The following GALNT10 variants were observed in gnomAD, a reference collection of about 807,000 sequenced individuals.
GALNT10 encodes the protein polypeptide N-acetylgalactosaminyltransferase 10, also known as GalNAc transferase 10.
GALNT10 carries 41 observed loss-of-function variants against 75.0 expected under a neutral mutation model. The ratio of observed to expected loss-of-function variants is 0.55; its 90% CI spans 0.43 to 0.71. GALNT10 has a LOEUF of 0.71. Among genes scored for constraint, GALNT10 ranks in the 30% least tolerant of loss-of-function variants. The pLI, the probability that GALNT10 is intolerant of heterozygous loss-of-function variation, is 0.00. For missense variants in GALNT10, 727 were observed against 818.5 expected (o/e 0.89, Z 1.36); for synonymous variants, 302 against 313.0 (o/e 0.96, Z 0.37).
intron 1 of GALNT10, among the ~76,000 whole-genome samples, chr5:154,278,030 A>G (rs1033236870): frequency 6.6e-5 from 10 of 152,254 alleles, no homozygotes; most frequent in African/African-American, 2.4e-4. Context: ...GTGAATGGAT[A>G]GATGGATGAA....
chr5:154,360,284 T>C (rs1755363385), intron 4 of GALNT10, among the ~76,000 whole-genome samples: 2 of 151,842 alleles, frequency 1.3e-5, no homozygotes, highest in African/African-American at 2.4e-5. Flanking sequence ...ACCCTGTCTC[T>C]ACTAAAAATA....
intron 1 of GALNT10, among the ~76,000 whole-genome samples, chr5:154,289,610 C>T (rs945681607): frequency 3.3e-5 from 5 of 152,152 alleles, no homozygotes; most frequent in Admixed American, 1.3e-4. Context: ...CCTCAGATTT[C>T]GTATCTGTAA....
At chr5:154,323,052 A>G (rs1581973280) in intron 3 of GALNT10, among the ~76,000 whole-genome samples, 1 of 152,240 alleles carries the variant, frequency 6.6e-6, no homozygotes, top group African/African-American at 2.4e-5. Flanking sequence ...TAAAATACAT[A>G]AAGTGCAATG....
At chr5:154,369,589 T>G (rs1207498939) in intron 4 of GALNT10, among the ~76,000 whole-genome samples, 2 of 152,292 alleles carry the variant, frequency 1.3e-5, no homozygotes, top group East Asian at 3.9e-4. Flanking sequence ...TACTAACGTG[T>G]ACCCTCCTCT....
At chr5:154,249,914 G>T (rs979074316) in intron 1 of GALNT10, among the ~76,000 whole-genome samples, 8 of 151,802 alleles carry the variant, frequency 5.3e-5, no homozygotes, top group Non-Finnish European at 7.4e-5. Flanking sequence ...TTTTTTTCTT[G>T]ACCACACTCT....
intron 7 of GALNT10, chr5:154,389,135 A>G (rs1242685790): frequency 6.6e-6 from 1 of 151,922 alleles, no homozygotes; most frequent in Non-Finnish European, 1.5e-5. Flanking sequence ...TGTTTCACTC[A>G]CCGCCATATC....
intron 1 of GALNT10, among the ~76,000 whole-genome samples, chr5:154,275,844 C>G (rs1245768247): frequency 6.6e-6 from 1 of 152,192 alleles, no homozygotes; most frequent in Admixed American, 6.5e-5. Context: ...CTTTGCATCT[C>G]TGCTGCCAAA....
At chr5:154,361,420 G>T (rs924956970) in intron 4 of GALNT10, among the ~76,000 whole-genome samples, 1 of 152,210 alleles carries the variant, frequency 6.6e-6, no homozygotes, top group Non-Finnish European at 1.5e-5. Flanking sequence ...GGCATTAAGG[G>T]AGATAATACA....
intron 6 of GALNT10, among the ~76,000 whole-genome samples, chr5:154,383,867 T>C (rs879434243): frequency 1.6e-4 from 24 of 152,222 alleles, no homozygotes; most frequent in Admixed American, 3.3e-4. Flanking sequence ...ATTAATCCAT[T>C]CTCACACTGC....
chr5:154,403,857 T>A, intron 7 of GALNT10: 1 of 560,932 alleles, frequency 1.8e-6, no homozygotes, highest in South Asian at 2.0e-5. Flanking sequence ...CTGATGAGGC[T>A]TAAGTGTGGT....
chr5:154,293,611 A>ATTTTTTTTTTTTTTTTTTTTTTTTT (rs912343114), intron 1 of GALNT10, among the ~76,000 whole-genome samples: 6 of 96,774 alleles, frequency 6.2e-5, no homozygotes, highest in Non-Finnish European at 1.1e-4. Context: ...ATATATATAT[A>ATTTTTTTTTTTTTTTTTTTTTTTTT]TATTTTTTTT....
chr5:154,356,322 C>T (rs1362267323), intron 4 of GALNT10: 3 of 410,822 alleles, frequency 7.3e-6, no homozygotes, highest in Admixed American at 2.9e-5. Flanking sequence ...AAAGTTGATG[C>T]TTATTTTGGG....
At position 154,243,840 on chromosome 5, in the gene GALNT10, G is replaced by A. The variant is rs1753377172; in HGVS notation, c.160-50976G>A. On this transcript the variant is annotated intron_variant, in intron 1 of 11. Transcript: ENST00000297107. ...CTCAGAATTCTTCCTCTAAGCCATT[G>A]TTTGACAGATATTATAAATTGGTCC... 2.6e-5 allele frequency among the ~76,000 whole-genome samples: 4 copies of A among 152,214 alleles called. No individual in the cohort carries two copies. The South Asian group carries it at 8.3e-4, about 32-fold the overall frequency.
chr5:154,197,727 G>A (rs1047156360), intron 1 of GALNT10, among the ~76,000 whole-genome samples: 4 of 152,276 alleles, frequency 2.6e-5, no homozygotes, highest in African/African-American at 4.8e-5. Flanking sequence ...AATGTTAATA[G>A]TAGTAATAGC....
chr5:154,311,247 C>T (rs554945323), intron 3 of GALNT10, among the ~76,000 whole-genome samples: 3 of 152,188 alleles, frequency 2.0e-5, no homozygotes, highest in Admixed American at 6.5e-5. Flanking sequence ...ATTTATTTAT[C>T]GATGTACCGG....
intron 1 of GALNT10, among the ~76,000 whole-genome samples, chr5:154,275,767 G>T (rs1753940270): frequency 6.6e-6 from 1 of 152,122 alleles, no homozygotes; most frequent in African/African-American, 2.4e-5. Flanking sequence ...AAGAATGAAT[G>T]TCCCAAGAGA....
At chr5:154,236,251 A>C (rs1261467774) in intron 1 of GALNT10, among the ~76,000 whole-genome samples, 3 of 152,254 alleles carry the variant, frequency 2.0e-5, no homozygotes, top group African/African-American at 7.2e-5. Context: ...TAAGGACAAC[A>C]GTGGTACCTA....
At chr5:154,276,977 G>T (rs75016677) in intron 1 of GALNT10, among the ~76,000 whole-genome samples, 6,326 of 152,254 alleles carry the variant, frequency 0.042, 161 homozygotes, top group Middle Eastern at 0.13. Flanking sequence ...GAACGGAACT[G>T]AATCCTCTCT....
chr5:154,313,827 C>A (rs1314724720), intron 3 of GALNT10, among the ~76,000 whole-genome samples: 2 of 152,114 alleles, frequency 1.3e-5, no homozygotes, highest in Non-Finnish European at 2.9e-5. Flanking sequence ...CCTAAGTCTG[C>A]AGCTCGAGGG....
Sources: gnomAD v4.1 joint callset for allele counts (sites outside exome capture counted in the v4.1 genomes callset) on GRCh38, gnomAD v4.1.1 for gene constraint, MANE v1.5 for transcripts, NCBI Gene and HGNC (gene_info 2026-07-23, HGNC 2026-07-21) for gene names.